Variants in CNTNAP5 observed in about 807,000 individuals in gnomAD.
CNTNAP5 encodes the protein contactin-associated protein-like 5.
In CNTNAP5, 72 loss-of-function variants were observed where a neutral mutation model predicts 150.2. That is an observed-to-expected ratio of 0.48 (90% CI 0.40 to 0.58). The LOEUF is 0.58. CNTNAP5 is among the 20% of genes least tolerant of loss of function. CNTNAP5 has a pLI of 0.00. For missense variants in CNTNAP5, 1,636 were observed against 1,626.2 expected, an observed-to-expected ratio of 1.01 and a Z score of -0.10; for synonymous variants, 672 against 619.8, an observed-to-expected ratio of 1.08 and a Z score of -1.25.
At chr2:124,503,554 CTA>C (rs1372908618) in intron 7 of CNTNAP5, among the ~76,000 whole-genome samples, 3 of 152,174 alleles carry the variant, frequency 2.0e-5, no homozygotes, top group Non-Finnish European at 4.4e-5. Context: ...TACTCCTCAT[CTA>C]TGTTATTGAA....
intron 3 of CNTNAP5, among the ~76,000 whole-genome samples, chr2:124,273,824 T>A (rs543843278): frequency 6.6e-6 from 1 of 152,286 alleles, no homozygotes; most frequent in South Asian, 2.1e-4. Flanking sequence ...TCCCTATAAC[T>A]TTATTTATAA....
chr2:124,619,901 T>G (rs1349978165), intron 12 of CNTNAP5, among the ~76,000 whole-genome samples: 4 of 110,480 alleles, frequency 3.6e-5, no homozygotes, highest in Non-Finnish European at 7.0e-5. Context: ...TCTCTCACTG[T>G]CTCATTCATA....
chr2:124,423,733 C>T lies in CNTNAP5; in HGVS notation c.529+6143C>T, dbSNP rs546134630. Among the ~76,000 whole-genome samples, 5 of 123,492 alleles carry T rather than the reference C, an allele frequency of 4.0e-5. No homozygotes were observed. The South Asian group carries it at 8.4e-4, about 21-fold the overall frequency. The allele number at this position is 123,492 out of a possible 152,430, so 81.0% of individuals were successfully genotyped here. On this transcript the variant is annotated intron_variant, in intron 4 of 23. Coordinates refer to ENST00000682447, the MANE Select transcript of CNTNAP5 (RefSeq NM_001367498.1). ...AGGCTGGAGTGCAGTGGCGCAATCG[C>T]GGCTCACTGCAAGCTCCGCCTCCCA... is the stretch of plus-strand genomic sequence containing the variant.
At position 124,773,027 on chromosome 2, in the gene CNTNAP5, A is replaced by T. The variant is rs573438950; in HGVS notation, c.2752+10A>T. 2 of 1,608,290 alleles carry T rather than the reference A, an allele frequency of 1.2e-6. No individual in the cohort carries two copies. Among genetic ancestry groups the T allele is most frequent in the Non-Finnish European group, 1.7e-6 (2 of 1,176,044 alleles). On this transcript the variant is annotated intron_variant, in intron 17 of 23. Transcript: ENST00000682447. ...AGCCAGTTGTTTGTAGGTAGGGGAC[A>T]TCTTAAGGCTCCTTTTGTGCTAAAC...
intron 3 of CNTNAP5, among the ~76,000 whole-genome samples, chr2:124,329,141 A>G (rs1689288610): frequency 6.6e-6 from 1 of 152,222 alleles, no homozygotes; most frequent in Admixed American, 6.5e-5. Flanking sequence ...ACAAGACAGT[A>G]GCTTGGGATA....
chr2:124,704,589 A>G (rs1679594854), intron 13 of CNTNAP5, among the ~76,000 whole-genome samples: 1 of 152,218 alleles, frequency 6.6e-6, no homozygotes. Context: ...GAGACAGAGT[A>G]CTTCTTATAT....
At chr2:124,539,133 T>G (rs925072019) in intron 10 of CNTNAP5, among the ~76,000 whole-genome samples, 1 of 152,238 alleles carries the variant, frequency 6.6e-6, no homozygotes, top group Non-Finnish European at 1.5e-5. Flanking sequence ...TAATATGTTT[T>G]CAGTTGGGAA....
intron 11 of CNTNAP5, among the ~76,000 whole-genome samples, chr2:124,578,932 AAGAT>A (rs1236415202): frequency 2.0e-5 from 3 of 152,164 alleles, no homozygotes; most frequent in East Asian, 1.9e-4. Flanking sequence ...GCCTCTATGA[AAGAT>A]AGAAGTGACA....
At chr2:124,245,943 C>T (rs1212517473) in intron 3 of CNTNAP5, among the ~76,000 whole-genome samples, 1 of 151,858 alleles carries the variant, frequency 6.6e-6, no homozygotes, top group Non-Finnish European at 1.5e-5. Flanking sequence ...TGGGTTCTCA[C>T]TATGTTGCCC....
intron 1 of CNTNAP5, among the ~76,000 whole-genome samples, chr2:124,161,953 G>A (rs1245685921): frequency 2.0e-5 from 3 of 152,118 alleles, no homozygotes; most frequent in Non-Finnish European, 2.9e-5. Context: ...GACTTCAAGA[G>A]TTGAGAAAAC....
chr2:124,448,385 G>A lies in CNTNAP5; in HGVS notation c.918+1448G>A, dbSNP rs188009180. Among the ~76,000 whole-genome samples, 292 of 152,132 alleles carry A rather than the reference G, an allele frequency of 1.9e-3. 1 individual carries two copies. The highest frequency in any genetic ancestry group is 3.1e-3 in the Non-Finnish European group (210 of 68,004). ...TTCACTATATTATATCGATTTGCCT[G>A]TCTCTTTTAACTAAAGGTGCTCTGG... On this transcript the variant is annotated intron_variant, in intron 6 of 23. Coordinates refer to ENST00000682447, the MANE Select transcript of CNTNAP5 (RefSeq NM_001367498.1).
intron 1 of CNTNAP5, among the ~76,000 whole-genome samples, chr2:124,165,724 G>A (rs1684797669): frequency 6.6e-6 from 1 of 152,098 alleles, no homozygotes; most frequent in Non-Finnish European, 1.5e-5. Context: ...CAAACATGGA[G>A]GGGTAGCATA....
At chr2:124,324,440 T>C (rs1434333831) in intron 3 of CNTNAP5, among the ~76,000 whole-genome samples, 1 of 152,092 alleles carries the variant, frequency 6.6e-6, no homozygotes, top group East Asian at 1.9e-4. Flanking sequence ...AAGTGGAACT[T>C]GGAGAATGAT....
chr2:124,179,379 C>T (rs560862549), intron 1 of CNTNAP5, among the ~76,000 whole-genome samples: 4 of 152,140 alleles, frequency 2.6e-5, no homozygotes, highest in Admixed American at 1.3e-4. Flanking sequence ...AGGCTGGTCT[C>T]GAACTCCTGA....
At chr2:124,624,267 G>A (rs1320582048) in intron 12 of CNTNAP5, among the ~76,000 whole-genome samples, 1 of 152,218 alleles carries the variant, frequency 6.6e-6, no homozygotes, top group Non-Finnish European at 1.5e-5. Flanking sequence ...GGCACTTAGA[G>A]AAATTCCTTT....
At chr2:124,610,784 C>A (rs1204606104) in intron 12 of CNTNAP5, among the ~76,000 whole-genome samples, 1 of 152,094 alleles carries the variant, frequency 6.6e-6, no homozygotes, top group African/African-American at 2.4e-5. Context: ...CACGGTGAAA[C>A]CCTGTCTCTA....
At chr2:124,773,739 C>T (rs1410253471) in intron 17 of CNTNAP5, among the ~76,000 whole-genome samples, 1 of 151,964 alleles carries the variant, frequency 6.6e-6, no homozygotes, top group Non-Finnish European at 1.5e-5. Context: ...ACTACCACTG[C>T]TTTTCAAGGA....
intron 1 of CNTNAP5, among the ~76,000 whole-genome samples, chr2:124,217,921 ATT>A (rs1454047807): frequency 6.6e-6 from 1 of 152,140 alleles, no homozygotes. Context: ...ACCTGAATGT[ATT>A]AGCTGGAATC....
At chr2:124,750,081 C>G (rs1357436866) in intron 14 of CNTNAP5, among the ~76,000 whole-genome samples, 1 of 152,140 alleles carries the variant, frequency 6.6e-6, no homozygotes, top group Non-Finnish European at 1.5e-5. Context: ...CTTCTCTCAC[C>G]TTGATCATTC....
Sources: gnomAD v4.1 joint callset for allele counts (sites outside exome capture counted in the v4.1 genomes callset) on GRCh38, gnomAD v4.1.1 for gene constraint, MANE v1.5 for transcripts, NCBI Gene and HGNC (gene_info 2026-07-23, HGNC 2026-07-21) for gene names.